The following DNAJC6 variants were observed in gnomAD, a reference collection of about 807,000 sequenced individuals.
The protein encoded by DNAJC6 is DnaJ heat shock protein family (Hsp40) member C6, also known as auxilin.
Under a neutral mutation model 110.0 loss-of-function variants are expected in DNAJC6, and 34 were observed. That is an observed-to-expected ratio of 0.31 (90% confidence interval 0.24 to 0.41). The LOEUF (loss-of-function observed/expected upper bound fraction) is 0.41, where lower values mean the gene tolerates loss of function less well. Ranked by LOEUF, DNAJC6 falls within the 10% of genes least tolerant of loss-of-function variation. DNAJC6 has a pLI of 1.00. For synonymous variants in DNAJC6, 406 were observed against 437.2 expected, an observed-to-expected ratio of 0.93 and a Z score of 0.89; for missense variants, 1,031 against 1,207.8, an observed-to-expected ratio of 0.85 and a Z score of 2.17.
chr1:65,347,693 T>TG (rs1337696351), intron 1 of DNAJC6, among the ~76,000 whole-genome samples: 6 of 151,908 alleles, frequency 3.9e-5, no homozygotes, highest in African/African-American at 1.5e-4. Flanking sequence ...CCCCGTTGTC[T>TG]CCCCTCCCCT....
intron 1 of DNAJC6, among the ~76,000 whole-genome samples, chr1:65,345,229 C>CGTGTGTGTGTGTGT (rs55934054): frequency 7.0e-6 from 1 of 143,844 alleles, no homozygotes; most frequent in African/African-American, 2.6e-5. Flanking sequence ...CTCTCCCTTT[C>CGTGTGTGTGTGTGT]GTGTGTGTGT....
chr1:65,285,709 G>A (rs1653994521), intron 1 of DNAJC6, among the ~76,000 whole-genome samples: 6 of 151,968 alleles, frequency 3.9e-5, no homozygotes, highest in East Asian at 1.9e-4. Flanking sequence ...GTCTCATTCC[G>A]TCACCCAGGC....
intron 8 of DNAJC6, 31 bp from the exon 9 acceptor site, chr1:65,388,305 A>T (rs1191392354): frequency 1.3e-6 from 2 of 1,586,512 alleles, no homozygotes. Flanking sequence ...TCGCTGATTG[A>T]TTGTAATGTG....
intron 14 of DNAJC6, among the ~76,000 whole-genome samples, chr1:65,400,879 T>C (rs577368293): frequency 5.4e-4 from 83 of 152,366 alleles, no homozygotes; most frequent in African/African-American, 1.8e-3. Flanking sequence ...ATGGCAGTTC[T>C]ATTTTTAATA....
At chr1:65,371,722 G>T (rs1316374984) in intron 4 of DNAJC6, among the ~76,000 whole-genome samples, 3 of 152,112 alleles carry the variant, frequency 2.0e-5, no homozygotes, top group African/African-American at 7.2e-5. Flanking sequence ...TTCCCACTGG[G>T]TGGTATCATG....
At chr1:65,270,838 C>T (rs572162968) in intron 1 of DNAJC6, among the ~76,000 whole-genome samples, 1 of 152,188 alleles carries the variant, frequency 6.6e-6, no homozygotes, top group Non-Finnish European at 1.5e-5. Flanking sequence ...ACCACCACAC[C>T]CAGCTAATTT....
At chr1:65,304,365 C>T (rs1557509875) in intron 1 of DNAJC6, among the ~76,000 whole-genome samples, 3 of 152,176 alleles carry the variant, frequency 2.0e-5, no homozygotes, top group Admixed American at 1.3e-4. Flanking sequence ...TTCCAGCAGA[C>T]CTCCTCTTCT....
intron 5 of DNAJC6, 80 bp from the exon 6 acceptor site, chr1:65,384,113 A>T: frequency 2.2e-6 from 3 of 1,336,204 alleles, no homozygotes; most frequent in Non-Finnish European, 2.9e-6. Context: ...TCTGTCTCTT[A>T]ATTGCAAATT....
intron 1 of DNAJC6, chr1:65,279,213 G>C: frequency 1.0e-6 from 1 of 960,888 alleles, no homozygotes; most frequent in Non-Finnish European, 1.2e-6. Context: ...GGGGAGGGGC[G>C]GTGATGGTGG....
Position 65,277,156 on chromosome 1 carries a change from A to G in DNAJC6, c.-131+12224A>G, listed in dbSNP as rs74080376. ...CGTCTGTTTTTTTTTGTTTGTTTTA[A>G]GTGGATTATGTTAAAAAATAAAAAT... On this transcript the variant is annotated intron_variant, in intron 1 of 19. Coordinates refer to the DNAJC6 transcript ENST00000263441. Among the ~76,000 whole-genome samples the G allele has an allele frequency of 6.1e-3, 927 of 152,268 alleles. 10 individuals carry two copies. Among genetic ancestry groups the G allele is most frequent in the African/African-American group, 0.02 (832 of 41,550 alleles).
intron 1 of DNAJC6, chr1:65,279,226 T>C: frequency 1.1e-6 from 1 of 928,222 alleles, no homozygotes; most frequent in Non-Finnish European, 1.3e-6. Flanking sequence ...GATGGTGGCG[T>C]GCAGAGATTG....
At position 65,369,705 on chromosome 1, in the gene DNAJC6, C is replaced by A. The variant is rs150126166; in HGVS notation, c.543+3509C>A. On this transcript the variant is annotated intron_variant, in intron 4 of 18. Transcript: ENST00000371069. ...ATGTGATTGTTTGTATATGTTCAAA[C>A]CTGCATTTGAGGATGTAGGTAGTGA... 5.1e-3 allele frequency among the ~76,000 whole-genome samples: 775 copies of A among 152,250 alleles called. 5 individuals carry two copies. The highest frequency in any genetic ancestry group is 0.018 in the African/African-American group (746 of 41,538).
intron 1 of DNAJC6, among the ~76,000 whole-genome samples, chr1:65,282,285 G>T (rs1653878926): frequency 1.3e-5 from 2 of 152,036 alleles, no homozygotes; most frequent in South Asian, 4.1e-4. Flanking sequence ...AAAAAGTTTT[G>T]TCAGGCTGTT....
intron 13 of DNAJC6, among the ~76,000 whole-genome samples, chr1:65,396,470 G>T (rs2101620479): frequency 6.6e-6 from 1 of 152,234 alleles, no homozygotes; most frequent in East Asian, 1.9e-4. Flanking sequence ...CTGCATTCCA[G>T]CTGTACTGGC....
At chr1:65,386,685 A>G (rs1458488286) in intron 7 of DNAJC6, 127 bp from the exon 8 acceptor site, 18 of 759,380 alleles carry the variant, frequency 2.4e-5, no homozygotes, top group Admixed American at 1.7e-4. Context: ...AAGATAGGAA[A>G]TAGTTTCTGG....
chr1:65,415,537 A>C lies in DNAJC6; in HGVS notation c.*2512A>C, dbSNP rs931376889. 6.6e-6 allele frequency: 1 copy of C among 152,144 alleles called. No individual in the cohort carries two copies. Among genetic ancestry groups the C allele is most frequent in the Non-Finnish European group, 1.5e-5 (1 of 68,036 alleles). 9.4% of individuals were successfully genotyped at this position (152,144 alleles called of 1,614,324 possible). A position where few individuals can be genotyped will look rare whatever the true frequency, so the allele number is the denominator to read the frequency against. ...GCTACATGATATATGTTTCAAAAAG[A>C]ATTAGCATAGAAATCCTGGTCTCCT... On this transcript the variant is annotated 3_prime_UTR_variant, in exon 19 of 19. Transcript: ENST00000371069.
chr1:65,293,235 C>T (rs533239551), intron 1 of DNAJC6, among the ~76,000 whole-genome samples: 2 of 152,326 alleles, frequency 1.3e-5, no homozygotes, highest in South Asian at 4.1e-4. Context: ...GACCCTTATC[C>T]TGGCTTGCAG....
At chr1:65,368,757 T>C (rs1645677055) in intron 4 of DNAJC6, among the ~76,000 whole-genome samples, 2 of 94,598 alleles carry the variant, frequency 2.1e-5, no homozygotes, top group Admixed American at 1.2e-4. Flanking sequence ...TCCCCTCCCT[T>C]CTCTTCCCTC....
At chr1:65,302,587 C>G (rs1644998724) in intron 1 of DNAJC6, among the ~76,000 whole-genome samples, 2 of 131,626 alleles carry the variant, frequency 1.5e-5, no homozygotes, top group Admixed American at 8.5e-5. Flanking sequence ...GGACTGCGGA[C>G]TGCAGTGGCG....
Sources: allele counts gnomAD v4.1 joint callset (sites outside exome capture counted in the v4.1 genomes callset), GRCh38; gene constraint gnomAD v4.1.1; transcripts MANE v1.5; gene names NCBI Gene and HGNC (gene_info 2026-07-23, HGNC 2026-07-21).